Variants in ZNF83 observed in about 807,000 individuals in gnomAD.
The protein encoded by ZNF83 is zinc finger protein 816B.
For synonymous variants in ZNF83, 209 were observed against 213.0 expected (o/e 0.98, Z 0.17); for missense variants, 552 against 629.9 (o/e 0.88, Z 1.32).
At chr19:52,616,163 T>C (rs2060297658) in intron 2 of ZNF83, among the ~76,000 whole-genome samples, 1 of 152,170 alleles carries the variant, frequency 6.6e-6, no homozygotes, top group Non-Finnish European at 1.5e-5. Context: ...TAAAGTAACT[T>C]TTCCATCTTT....
At chr19:52,654,040 T>C (rs1458154487) in intron 3 of ZNF83, 1 of 1,581,902 alleles carries the variant, frequency 6.3e-7, no homozygotes, top group Non-Finnish European at 8.7e-7. Context: ...GGAAGCATTG[T>C]TGATAGACTT....
chr19:52,689,239 GA>G (rs1200959432), intron 1 of ZNF83, among the ~76,000 whole-genome samples: 1 of 152,118 alleles, frequency 6.6e-6, no homozygotes, highest in African/African-American at 2.4e-5. Flanking sequence ...TGAATCCACT[GA>G]GCCAGTGCGT....
intron 1 of ZNF83, among the ~76,000 whole-genome samples, chr19:52,675,335 A>G (rs1298424119): frequency 2.0e-5 from 3 of 152,232 alleles, no homozygotes; most frequent in Admixed American, 1.3e-4. Flanking sequence ...GTACTTAAGC[A>G]CAATAGTATG....
chr19:52,663,624 A>G (rs376048093), intron 1 of ZNF83, among the ~76,000 whole-genome samples: 1 of 152,254 alleles, frequency 6.6e-6, no homozygotes, highest in African/African-American at 2.4e-5. Context: ...TTTATTGAGT[A>G]CACATTGAAA....
At chr19:52,680,859 G>A (rs1040785433) in intron 1 of ZNF83, among the ~76,000 whole-genome samples, 53 of 151,308 alleles carry the variant, frequency 3.5e-4, no homozygotes, top group Non-Finnish European at 5.5e-4. Context: ...TGATCCGCCC[G>A]CCTCGGCCTC....
In ZNF83 at chr19:52,673,244, T is replaced by C. The variant is rs559797789; in HGVS notation, c.-282-12401A>G. 1.5e-3 allele frequency among the ~76,000 whole-genome samples: 224 copies of C among 152,210 alleles called. 2 individuals are homozygous for C. The highest frequency in any genetic ancestry group is 2.4e-3 in the Admixed American group (37 of 15,282). Reference sequence around the variant, plus strand: ...ACAAATGGCTGGGCACAGTGGCTCATGCTTGAATCCCAGCACTTTGGGAGC... The same window carrying C: ...ACAAATGGCTGGGCACAGTGGCTCACGCTTGAATCCCAGCACTTTGGGAGC... On this transcript the variant is annotated intron_variant, in intron 1 of 5. Transcript: ENST00000594682.
intron 2 of ZNF83, among the ~76,000 whole-genome samples, chr19:52,615,908 G>A (rs947765832): frequency 7.2e-5 from 11 of 152,220 alleles, no homozygotes; most frequent in East Asian, 3.9e-4. Flanking sequence ...GCACGACCTC[G>A]GCTCGCTGCA....
At chr19:52,667,373 T>C (rs1475832379) in intron 1 of ZNF83, among the ~76,000 whole-genome samples, 1 of 152,166 alleles carries the variant, frequency 6.6e-6, no homozygotes, top group Non-Finnish European at 1.5e-5. Flanking sequence ...AAGAATTGTC[T>C]GTCAAAGTTG....
At chr19:52,688,544 G>T (rs2062086572) in intron 1 of ZNF83, among the ~76,000 whole-genome samples, 1 of 151,190 alleles carries the variant, frequency 6.6e-6, no homozygotes, top group Non-Finnish European at 1.5e-5. Context: ...TCTCTCTCTA[G>T]CTCTTGTTTT....
chr19:52,620,262 GTATATC>G (rs754982417), intron 2 of ZNF83, among the ~76,000 whole-genome samples: 2,062 of 132,194 alleles, frequency 0.016, 14 homozygotes, highest in South Asian at 0.026. Context: ...ATCTGTGTGT[GTATATC>G]TCTGTGTGTG....
At chr19:52,614,375 T>C in exon 3 of ZNF83, 1 of 1,613,070 alleles carries the variant, frequency 6.2e-7, no homozygotes, top group Non-Finnish European at 8.5e-7. Flanking sequence ...ATGTGGGTTT[T>C]GACAGTAGAA....
upstream of ZNF83, among the ~76,000 whole-genome samples, chr19:52,638,930 C>A (rs371928557): frequency 6.6e-6 from 1 of 152,212 alleles, no homozygotes; most frequent in Non-Finnish European, 1.5e-5. Flanking sequence ...TTCAGGCCAG[C>A]CTGGGCGACA....
intron 2 of ZNF83, among the ~76,000 whole-genome samples, chr19:52,625,503 C>T (rs1600170227): frequency 1.3e-5 from 2 of 152,238 alleles, no homozygotes; most frequent in South Asian, 4.1e-4. Flanking sequence ...ACTGGAATTC[C>T]CCTGGGGAAC....
intron 2 of ZNF83, among the ~76,000 whole-genome samples, chr19:52,615,433 T>C (rs527406386): frequency 3.3e-4 from 50 of 152,086 alleles, no homozygotes; most frequent in Non-Finnish European, 1.8e-4. Context: ...TGACATATGA[T>C]AGACACAGCA....
intron 2 of ZNF83, among the ~76,000 whole-genome samples, chr19:52,624,444 A>ATACTT (rs1352331655): frequency 6.6e-6 from 1 of 152,166 alleles, no homozygotes; most frequent in Non-Finnish European, 1.5e-5. Flanking sequence ...GCATGGTTGG[A>ATACTT]TACTTTCACC....
chr19:52,653,426 T>C, intron 3 of ZNF83: 2 of 826,494 alleles, frequency 2.4e-6, no homozygotes. Context: ...TGAACTCTGT[T>C]ATGGCGTGAA....
At chr19:52,672,511 G>C (rs1236141809) in intron 1 of ZNF83, among the ~76,000 whole-genome samples, 1 of 152,198 alleles carries the variant, frequency 6.6e-6, no homozygotes, top group Non-Finnish European at 1.5e-5. Flanking sequence ...ATGATGGGAG[G>C]CTGAGGCAGG....
chr19:52,636,312 T>C (rs1457720720), intron 1 of ZNF83: 1 of 151,960 alleles, frequency 6.6e-6, no homozygotes, highest in Non-Finnish European at 1.5e-5. Flanking sequence ...CCCTGTCTCT[T>C]AATGTTAGTT....
In ZNF83 at chr19:52,630,472, G is replaced by A. The variant is rs146506261; in HGVS notation, c.-234+4594C>T. On this transcript the variant is annotated intron_variant, in intron 2 of 2. Coordinates refer to ENST00000301096, the Ensembl canonical transcript of ZNF83. ...AACTCCCCCACTCTGGTGCCAACTT[G>A]GACAACACTCTTTTATGCACTCTTT... Among the ~76,000 whole-genome samples, 673 of 152,184 alleles carry A rather than the reference G, an allele frequency of 4.4e-3. 5 individuals are homozygous for A. The highest frequency in any genetic ancestry group is 0.016 in the African/African-American group (649 of 41,502).
Sources: gnomAD v4.1 joint callset for allele counts (sites outside exome capture counted in the v4.1 genomes callset) on GRCh38, gnomAD v4.1.1 for gene constraint, MANE v1.5 for transcripts, NCBI Gene and HGNC (gene_info 2026-07-23, HGNC 2026-07-21) for gene names.